MROH2B: variants seen among roughly 807,000 people sequenced by gnomAD.
MROH2B encodes the protein maestro heat like repeat family member 2B, also known as maestro heat-like repeat-containing protein family member 2B.
In MROH2B, 177 loss-of-function variants were observed where a neutral mutation model predicts 208.6. The observed-to-expected ratio is 0.85, with a 90% CI of 0.75 to 0.96. The LOEUF (loss-of-function observed/expected upper bound fraction) is 0.96. Among genes scored for constraint, MROH2B ranks in the 40% least tolerant of loss-of-function variants. The pLI, the probability that MROH2B is intolerant of heterozygous loss-of-function variation, is 0.00. For synonymous variants in MROH2B, 728 were observed against 659.0 expected (o/e 1.10, Z -1.60); for missense variants, 2,002 against 1,878.7 (o/e 1.07, Z -1.21).
intron 5 of MROH2B, among the ~76,000 whole-genome samples, chr5:41,063,098 G>A (rs1365822579): frequency 2.0e-5 from 3 of 152,136 alleles, no homozygotes; most frequent in Non-Finnish European, 4.4e-5. Context: ...AGATCAAAGG[G>A]CACTTAGATA....
chr5:41,070,846 G>T lies in MROH2B; in HGVS notation c.7C>A (p.Leu3Ile), dbSNP rs754152435. 6.2e-7 allele frequency: 1 copy of T among 1,611,190 alleles called. No individual in the cohort carries two copies. Among genetic ancestry groups the T allele is most frequent in the South Asian group, 1.1e-5 (1 of 90,534 alleles). Reference sequence around the variant, plus strand: ...TTACCTATGGATTCCTCTGTACTAAGTGTCATGTCTTGGCTGTTTCAGGGT... The same window carrying T: ...TTACCTATGGATTCCTCTGTACTAATTGTCATGTCTTGGCTGTTTCAGGGT... MT[L>I]STEESIEMFG... Residue 3 changes from leucine to isoleucine, a missense_variant, in exon 1 of 42, where the codon CTT (leucine) becomes ATT (isoleucine). Physicochemically the swap from Leu to Ile is conservative, Grantham distance 5 (BLOSUM62 2). Transcript: ENST00000399564.
intron 21 of MROH2B, 189 bp from the exon 22 acceptor site, chr5:41,034,053 A>G: frequency 1.4e-5 from 14 of 985,030 alleles, no homozygotes; most frequent in Non-Finnish European, 1.6e-5. Context: ...GAGACCTTGT[A>G]CATTTGCAGA....
chr5:41,004,104 C>T (rs1005483943), intron 37 of MROH2B, among the ~76,000 whole-genome samples: 1 of 152,196 alleles, frequency 6.6e-6, no homozygotes, highest in Non-Finnish European at 1.5e-5. Context: ...TAGGGCATTT[C>T]TTCCCCCAAC....
chr5:41,024,467 T>A (rs931531747), intron 24 of MROH2B, among the ~76,000 whole-genome samples: 6 of 152,146 alleles, frequency 3.9e-5, no homozygotes, highest in African/African-American at 1.4e-4. Flanking sequence ...AAGGGATCAA[T>A]TCAACAAGAA....
chr5:41,038,505 G>A (rs767550196), intron 21 of MROH2B, among the ~76,000 whole-genome samples: 1 of 152,128 alleles, frequency 6.6e-6, no homozygotes, highest in Non-Finnish European at 1.5e-5. Context: ...CTTTTGGCCT[G>A]TGTCCTTTGA....
intron 38 of MROH2B, 131 bp downstream of exon 38, chr5:41,000,547 A>G: frequency 7.4e-7 from 1 of 1,347,922 alleles, no homozygotes; most frequent in Non-Finnish European, 1.0e-6. Context: ...CTAGAATTGG[A>G]GAAGAGGTTT....
chr5:41,064,448 A>G, intron 5 of MROH2B, 24 bp downstream of exon 5: 1 of 1,601,984 alleles, frequency 6.2e-7, no homozygotes, highest in Non-Finnish European at 8.5e-7. Flanking sequence ...TTTTAAGCAA[A>G]AAGGAAATCA....
At chr5:41,065,528 A>G in intron 3 of MROH2B, 38 bp from the exon 4 acceptor site, 1 of 1,579,796 alleles carries the variant, frequency 6.3e-7, no homozygotes, top group East Asian at 2.2e-5. Context: ...ACAACTAGAA[A>G]AGGGGCAGAG....
In MROH2B at chr5:41,028,489, G is replaced by T. The variant is rs373378591; in HGVS notation, c.2441+4253C>A. Among the ~76,000 whole-genome samples the T allele has an allele frequency of 3.6e-4, 54 of 152,066 alleles. 1 individual carries two copies. The East Asian group carries it at 4.1e-3, about 11-fold the overall frequency. Reference sequence around the variant, plus strand: ...ACCCACCACTGAGAATAAAACAGTAGCCACTGTTTTTTATTCTCCATTTCT... The same window carrying T: ...ACCCACCACTGAGAATAAAACAGTATCCACTGTTTTTTATTCTCCATTTCT... On this transcript the variant is annotated intron_variant, in intron 24 of 41. Coordinates refer to ENST00000399564, the MANE Select transcript of MROH2B (RefSeq NM_173489.5).
chr5:41,060,845 T>C (rs541463285), intron 6 of MROH2B, among the ~76,000 whole-genome samples: 5 of 152,220 alleles, frequency 3.3e-5, no homozygotes, highest in Non-Finnish European at 7.3e-5. Context: ...TACCTCAGGA[T>C]GTTAAAAAAT....
intron 19 of MROH2B, among the ~76,000 whole-genome samples, chr5:41,040,705 CA>C: frequency 6.6e-6 from 1 of 152,272 alleles, no homozygotes; most frequent in African/African-American, 2.4e-5. Context: ...CTCACACTGT[CA>C]ACCAGGCTGG....
chr5:41,036,324 A>C (rs1742758622), intron 21 of MROH2B, among the ~76,000 whole-genome samples: 1 of 152,026 alleles, frequency 6.6e-6, no homozygotes, highest in Non-Finnish European at 1.5e-5. Context: ...TGATTATATA[A>C]GGGGGAGTTT....
chr5:41,043,390 AT>A (rs1743013483), intron 18 of MROH2B, among the ~76,000 whole-genome samples: 1 of 152,244 alleles, frequency 6.6e-6, no homozygotes, highest in Non-Finnish European at 1.5e-5. Flanking sequence ...GTAAATACGA[AT>A]TGGGGACAAA....
chr5:41,057,186 G>A lies in MROH2B; in HGVS notation c.850-8C>T. 6.2e-7 allele frequency: 1 copy of A among 1,613,706 alleles called. No homozygotes were observed. Among genetic ancestry groups the A allele is most frequent in the Admixed American group, 1.7e-5 (1 of 60,000 alleles). Reference sequence around the variant, plus strand: ...CTCTGGAGCTCTGCAGATCTGAATGGGGGTGGAAATCAGGTGGTAGATGTT... The same window carrying A: ...CTCTGGAGCTCTGCAGATCTGAATGAGGGTGGAAATCAGGTGGTAGATGTT... On this transcript the variant is annotated splice_polypyrimidine_tract_variant and splice_region_variant and intron_variant, in intron 8 of 41. Transcript: ENST00000399564.
At chr5:41,010,897 T>C (rs1350031419) in intron 30 of MROH2B, among the ~76,000 whole-genome samples, 1 of 152,166 alleles carries the variant, frequency 6.6e-6, no homozygotes, top group Non-Finnish European at 1.5e-5. Context: ...ATGGGAACTG[T>C]GCTTAATTTT....
chr5:41,061,906 G>A (rs1743654460), intron 5 of MROH2B, among the ~76,000 whole-genome samples, 182 bp from the exon 6 acceptor site: 1 of 152,160 alleles, frequency 6.6e-6, no homozygotes, highest in South Asian at 2.1e-4. Context: ...CAAATTAAAA[G>A]CATAATGAGC....
intron 30 of MROH2B, among the ~76,000 whole-genome samples, chr5:41,010,734 A>C (rs192155610): frequency 2.5e-4 from 38 of 152,292 alleles, no homozygotes; most frequent in Non-Finnish European, 5.3e-4. Flanking sequence ...AGACTGTACA[A>C]CACCAGGAGT....
At chr5:41,033,670 T>C (rs1742650193) in intron 22 of MROH2B, among the ~76,000 whole-genome samples, 168 bp downstream of exon 22, 1 of 152,062 alleles carries the variant, frequency 6.6e-6, no homozygotes, top group Admixed American at 6.6e-5. Flanking sequence ...TGTTCTGCCC[T>C]GGATTAGGAT....
intron 29 of MROH2B, 78 bp from the exon 30 acceptor site, chr5:41,012,813 T>G (rs1741816651): frequency 1.9e-6 from 3 of 1,555,164 alleles, no homozygotes; most frequent in African/African-American, 2.7e-5. Context: ...GCTGTTGTGG[T>G]TTGTTTTGGG....
Sources: gnomAD v4.1 joint callset for allele counts (sites outside exome capture counted in the v4.1 genomes callset) on GRCh38, gnomAD v4.1.1 for gene constraint, MANE v1.5 for transcripts, NCBI Gene and HGNC (gene_info 2026-07-23, HGNC 2026-07-21) for gene names.